Variants in PDE12 observed in about 807,000 individuals in gnomAD.
PDE12 encodes the protein 2',5'-phosphodiesterase 12.
Under a neutral mutation model 45.4 loss-of-function variants are expected in PDE12, and 26 were observed. The observed-to-expected ratio is 0.57, with a 90% CI of 0.42 to 0.79. The LOEUF (loss-of-function observed/expected upper bound fraction) is 0.79. Ranked by LOEUF, PDE12 falls within the 30% of genes least tolerant of loss-of-function variation. The pLI is 0.00. For missense variants in PDE12, 668 were observed against 790.0 expected (o/e 0.85, Z 1.85); for synonymous variants, 283 against 323.9 (o/e 0.87, Z 1.36).
At chr3:57,589,527 G>C in the PDE12 span, among the ~76,000 whole-genome samples, 1 of 151,974 alleles carries the variant, frequency 6.6e-6, no homozygotes, top group African/African-American at 2.4e-5. Context: ...CGACCAGCCT[G>C]GCCAACGTGG....
Position 57,557,507 on chromosome 3 carries a change from C to T in PDE12, c.1128C>T (p.Ile376=), listed in dbSNP as rs763476366. The T allele has an allele frequency of 2.0e-5, 33 of 1,613,962 alleles. No individual in the cohort carries two copies. The highest frequency in any genetic ancestry group is 2.7e-5 in the Non-Finnish European group (32 of 1,180,034). Residue 376 remains isoleucine, a synonymous_variant, in exon 1 of 3, where the codon ATC becomes ATT. Transcript: ENST00000311180. ...EAFGLEGVFR[I]KQHEGLATFY... Reference sequence around the variant, plus strand: ...TCGGGCTCGAGGGGGTGTTTCGAATCAAGCAGCACGAAGGCCTGGCCACTT... The same window carrying T: ...TCGGGCTCGAGGGGGTGTTTCGAATTAAGCAGCACGAAGGCCTGGCCACTT...
rs2069775195 is a variant in PDE12 at position 57,565,365 on chromosome 3, G to A, written c.*5361G>A. 1 of 152,004 alleles carries A rather than the reference G, an allele frequency of 6.6e-6. No individual in the cohort carries two copies. Among genetic ancestry groups the A allele is most frequent in the South Asian group, 2.1e-4 (1 of 4,824 alleles). The allele number at this position is 152,004 out of a possible 1,614,324, so 9.4% of individuals were successfully genotyped here. A position where few individuals can be genotyped will look rare whatever the true frequency, so the allele number is the denominator to read the frequency against. The stretch of plus-strand genomic sequence containing the variant: ...TATCAACTTTTAAAAACATTTTATG[G>A]GTACATAGTAGGTGTATATATTTAT... On this transcript the variant is annotated 3_prime_UTR_variant, in exon 3 of 3. Coordinates refer to ENST00000311180, the MANE Select transcript of PDE12 (RefSeq NM_177966.7).
the PDE12 span, among the ~76,000 whole-genome samples, chr3:57,578,475 G>C: frequency 8.5e-6 from 1 of 117,808 alleles, no homozygotes; most frequent in Non-Finnish European, 2.0e-5. Flanking sequence ...TCAATTCTTA[G>C]AGATACAAAT....
chr3:57,631,200 C>T, the PDE12 span: 3 of 506,872 alleles, frequency 5.9e-6, no homozygotes, highest in East Asian at 1.0e-4. Context: ...AAGGGGACTA[C>T]ATTTTTTCTT....
the PDE12 span, among the ~76,000 whole-genome samples, chr3:57,615,246 G>T: frequency 6.6e-6 from 1 of 152,070 alleles, no homozygotes; most frequent in Non-Finnish European, 1.5e-5. Flanking sequence ...ATACTAATGA[G>T]CTCACTTATA....
the PDE12 span, among the ~76,000 whole-genome samples, chr3:57,578,251 A>G: frequency 6.4e-4 from 98 of 151,966 alleles, 1 homozygote; most frequent in Non-Finnish European, 1.2e-4. Context: ...ATCTTAAGAA[A>G]ATGATAGCAA....
chr3:57,572,010 A>G, the PDE12 span: 5 of 482,520 alleles, frequency 1.0e-5, no homozygotes, highest in Admixed American at 1.5e-4. Context: ...CTTTTTTCCC[A>G]AGGAGAATTT....
the PDE12 span, chr3:57,631,042 A>G: frequency 6.7e-7 from 1 of 1,498,632 alleles, no homozygotes; most frequent in East Asian, 2.3e-5. Context: ...GACCTACTTA[A>G]AAGGAATGGG....
chr3:57,585,143 C>T, the PDE12 span, among the ~76,000 whole-genome samples: 6 of 152,100 alleles, frequency 3.9e-5, no homozygotes, highest in South Asian at 6.2e-4. Flanking sequence ...GGATTACAAG[C>T]GTGAGCCACC....
In PDE12 at chr3:57,560,629, G is replaced by T; in HGVS notation, c.*625G>T. The T allele has an allele frequency of 2.0e-6, 2 of 985,108 alleles. No homozygotes were observed. Among genetic ancestry groups the T allele is most frequent in the South Asian group, 9.4e-5 (2 of 21,274 alleles). 61.0% of individuals were successfully genotyped at this position (985,108 alleles called of 1,614,324 possible). On this transcript the variant is annotated 3_prime_UTR_variant, in exon 3 of 3. Transcript: ENST00000311180. ...GCGTGAGCCACCGCACCCGGCCCTT[G>T]TGTACATTTTTATAAGAGAATTTTT...
At chr3:57,636,716 C>G in the PDE12 span, among the ~76,000 whole-genome samples, 1 of 152,080 alleles carries the variant, frequency 6.6e-6, no homozygotes, top group Non-Finnish European at 1.5e-5. Flanking sequence ...GCGGGTGGAT[C>G]ACCTGAGGTC....
the PDE12 span, among the ~76,000 whole-genome samples, chr3:57,611,745 G>C: frequency 6.6e-6 from 1 of 152,326 alleles, no homozygotes; most frequent in East Asian, 1.9e-4. Context: ...ACAGGTGCTA[G>C]AGAGGATGTG....
chr3:57,588,356 G>C, the PDE12 span, among the ~76,000 whole-genome samples: 1 of 152,076 alleles, frequency 6.6e-6, no homozygotes, highest in African/African-American at 2.4e-5. Context: ...CTTGAGCCCA[G>C]GAGTTTGAAA....
At chr3:57,597,415 A>G in the PDE12 span, 1 of 312,714 alleles carries the variant, frequency 3.2e-6, no homozygotes, top group Non-Finnish European at 6.1e-6. Context: ...CGGCGACTCC[A>G]GCAGCGGCCC....
the PDE12 span, chr3:57,626,164 C>T: frequency 6.6e-6 from 1 of 152,586 alleles, no homozygotes. Flanking sequence ...CATATTCTCT[C>T]TATGACTTTG....
the PDE12 span, chr3:57,634,408 G>A: frequency 5.7e-6 from 2 of 352,640 alleles, no homozygotes; most frequent in Non-Finnish European, 9.9e-6. Context: ...ACTCCAGCCT[G>A]GGTGATAGAG....
At chr3:57,634,492 T>C in the PDE12 span, 8 of 900,438 alleles carry the variant, frequency 8.9e-6, no homozygotes, top group South Asian at 2.8e-5. Flanking sequence ...AAAGGACATA[T>C]TGCGTAACTG....
chr3:57,568,858 CAA>C (rs10718820), downstream of PDE12, among the ~76,000 whole-genome samples: 448 of 119,106 alleles, frequency 3.8e-3, 1 homozygote, highest in South Asian at 6.3e-3. Context: ...ATGTTATGGA[CAA>C]AAAAAAAAAA....
chr3:57,630,278 G>T, the PDE12 span: 1 of 650,522 alleles, frequency 1.5e-6, no homozygotes, highest in Non-Finnish European at 2.5e-6. Flanking sequence ...TAATGTCCTT[G>T]GCACATAGCA....
Sources: allele counts gnomAD v4.1 joint callset (sites outside exome capture counted in the v4.1 genomes callset), GRCh38; gene constraint gnomAD v4.1.1; transcripts MANE v1.5; gene names NCBI Gene and HGNC (gene_info 2026-07-23, HGNC 2026-07-21).